The following CDH4 variants were observed in gnomAD, a reference collection of about 807,000 sequenced individuals.
The protein encoded by CDH4 is cadherin-4.
In CDH4, 33 loss-of-function variants were observed where a neutral mutation model predicts 86.0. That is an observed-to-expected ratio of 0.38 (90% CI 0.29 to 0.51). CDH4 has a LOEUF of 0.51. Ranked by LOEUF, CDH4 falls within the 20% of genes least tolerant of loss-of-function variation. The probability of loss-of-function intolerance (pLI) is 0.86; values close to 1 mark genes in which losing one functional copy is unlikely to be tolerated. For synonymous variants in CDH4, 555 were observed against 549.4 expected, an observed-to-expected ratio of 1.01 and a Z score of -0.14; for missense variants, 1,114 against 1,307.4, an observed-to-expected ratio of 0.85 and a Z score of 2.28.
intron 5 of CDH4, among the ~76,000 whole-genome samples, chr20:61,848,578 T>A (rs1600708938): frequency 6.6e-6 from 1 of 152,164 alleles, no homozygotes; most frequent in Admixed American, 6.5e-5. Context: ...CAGGCTGGAG[T>A]GCAGTGGTAC....
rs1365756905 is a variant in CDH4 at position 61,681,502 on chromosome 20, T to A, written c.170-62061T>A. 3.3e-5 allele frequency among the ~76,000 whole-genome samples: 5 copies of A among 152,150 alleles called. No individual in the cohort carries two copies. The highest frequency in any genetic ancestry group is 7.4e-5 in the Non-Finnish European group (5 of 68,024). ...TCTGAGGGGTGGGAGAATTAGACAA[T>A]CCTTGGAACTTGATAACTGTGTGCA... is the stretch of plus-strand genomic sequence containing the variant. On this transcript the variant is annotated intron_variant, in intron 2 of 15. Coordinates refer to ENST00000614565, the MANE Select transcript of CDH4 (RefSeq NM_001794.5). This position sits in a 1 kb window ranked among gnomAD's most constrained non-coding sequence, Gnocchi z 4.5.
chr20:61,316,122 G>A (rs1214261241), intron 2 of CDH4, among the ~76,000 whole-genome samples: 1 of 152,122 alleles, frequency 6.6e-6, no homozygotes, highest in African/African-American at 2.4e-5. Context: ...CTTCCTCCTG[G>A]GTGCTGTTGG....
At chr20:61,319,247 T>G (rs1159535378) in intron 2 of CDH4, among the ~76,000 whole-genome samples, 2 of 152,152 alleles carry the variant, frequency 1.3e-5, no homozygotes, top group African/African-American at 4.8e-5. Flanking sequence ...ATCCCCATTT[T>G]ACAGGTGGGG....
chr20:61,382,956 C>G (rs1486359784), intron 2 of CDH4, among the ~76,000 whole-genome samples: 1 of 150,584 alleles, frequency 6.6e-6, no homozygotes, highest in African/African-American at 2.4e-5. Flanking sequence ...GGGGAGGACA[C>G]AAGTCAATCG....
intron 2 of CDH4, among the ~76,000 whole-genome samples, chr20:61,364,524 CTG>C (rs1241605148): frequency 6.6e-6 from 1 of 152,214 alleles, no homozygotes; most frequent in Non-Finnish European, 1.5e-5. Flanking sequence ...GGGCTTGTCT[CTG>C]TTCCGCATCA....
At chr20:61,364,529 C>G (rs1004789061) in intron 2 of CDH4, among the ~76,000 whole-genome samples, 1 of 152,220 alleles carries the variant, frequency 6.6e-6, no homozygotes, top group African/African-American at 2.4e-5. Flanking sequence ...TGTCTCTGTT[C>G]CGCATCAGGA....
chr20:61,631,761 A>G (rs1432382810), intron 2 of CDH4, among the ~76,000 whole-genome samples: 1 of 152,224 alleles, frequency 6.6e-6, no homozygotes, highest in Non-Finnish European at 1.5e-5. Flanking sequence ...GGCTTCTGCC[A>G]TTGTCTGCCA....
chr20:61,627,536 C>T (rs2086840071), intron 2 of CDH4, among the ~76,000 whole-genome samples: 1 of 152,208 alleles, frequency 6.6e-6, no homozygotes, highest in Non-Finnish European at 1.5e-5. Flanking sequence ...CAAGTGTCCC[C>T]TGCGGAGCAG....
At chr20:61,504,717 A>T (rs150991232) in intron 2 of CDH4, among the ~76,000 whole-genome samples, 1 of 152,354 alleles carries the variant, frequency 6.6e-6, no homozygotes. Context: ...TCTTTGCCAC[A>T]TGCAAATCTG....
intron 3 of CDH4, among the ~76,000 whole-genome samples, chr20:61,750,759 T>A (rs1257430495): frequency 6.6e-6 from 1 of 152,224 alleles, no homozygotes; most frequent in Non-Finnish European, 1.5e-5. Context: ...AAAGAACCTG[T>A]ACTAAGTTAC....
At chr20:61,849,941 C>T (rs1031948502) in intron 5 of CDH4, among the ~76,000 whole-genome samples, 4 of 152,198 alleles carry the variant, frequency 2.6e-5, no homozygotes, top group Admixed American at 2.0e-4. Flanking sequence ...GTTTTTCCTA[C>T]CTCCCCAGTG....
At chr20:61,576,987 A>C (rs551811076) in intron 2 of CDH4, among the ~76,000 whole-genome samples, 1 of 152,174 alleles carries the variant, frequency 6.6e-6, no homozygotes, top group African/African-American at 2.4e-5. Flanking sequence ...CAACAAGGGA[A>C]CCCCAGCTGA....
chr20:61,577,284 ATTGAAGGATGAGTGGATGTTTTGTGTG>A (rs1568694399), intron 2 of CDH4, among the ~76,000 whole-genome samples: 14 of 135,130 alleles, frequency 1.0e-4, no homozygotes, highest in African/African-American at 2.8e-4. Flanking sequence ...ATATTTGTGT[ATTGAAGGATGAGTGGATGTTTTGTGTG>A]TTGAAGGATG....
chr20:61,904,530 C>T (rs1297575589), intron 8 of CDH4, among the ~76,000 whole-genome samples: 30 of 152,202 alleles, frequency 2.0e-4, no homozygotes, highest in Admixed American at 1.9e-3. Flanking sequence ...CTCGGCATCT[C>T]GGCAGGCACA....
chr20:61,483,802 C>A (rs1300778491), intron 2 of CDH4, among the ~76,000 whole-genome samples: 2 of 152,052 alleles, frequency 1.3e-5, no homozygotes, highest in Non-Finnish European at 2.9e-5. Context: ...GCAGAAGAAC[C>A]ATGCAGCTGA....
chr20:61,293,967 A>C lies in CDH4; in HGVS notation c.169+39030A>C, dbSNP rs183978131. On this transcript the variant is annotated intron_variant, in intron 2 of 15. Coordinates refer to ENST00000614565, the MANE Select transcript of CDH4 (RefSeq NM_001794.5). ...GAAGCTGGTGAGGTGCTGGGGGGTC[A>C]GCATGGGGGTCTTTGTGGTCGTTTC... Among the ~76,000 whole-genome samples the C allele has an allele frequency of 3.9e-4, 59 of 151,778 alleles. 1 individual carries two copies. The highest frequency in any genetic ancestry group is 3.3e-3 in the Admixed American group (51 of 15,264).
At chr20:61,644,939 T>A (rs1123085) in intron 2 of CDH4, among the ~76,000 whole-genome samples, 1 of 152,082 alleles carries the variant, frequency 6.6e-6, no homozygotes, top group African/African-American at 2.4e-5. Flanking sequence ...AGGGACCCCG[T>A]CAGCCGACTC....
intron 2 of CDH4, among the ~76,000 whole-genome samples, chr20:61,299,846 TA>T (rs1568788055): frequency 6.6e-6 from 1 of 152,142 alleles, no homozygotes; most frequent in East Asian, 1.9e-4. Flanking sequence ...GGCCCTAAAC[TA>T]TAAGCCATAA....
At chr20:61,394,469 T>A (rs571629446) in intron 2 of CDH4, among the ~76,000 whole-genome samples, 11 of 152,254 alleles carry the variant, frequency 7.2e-5, no homozygotes, top group African/African-American at 2.6e-4. Context: ...CTTTCCTGTT[T>A]CCACTTTGAT....
Sources: allele counts gnomAD v4.1 joint callset (sites outside exome capture counted in the v4.1 genomes callset), GRCh38; gene constraint gnomAD v4.1.1; non-coding constraint Gnocchi (gnomAD v3.1); transcripts MANE v1.5; gene names NCBI Gene and HGNC (gene_info 2026-07-23, HGNC 2026-07-21).